The following UST variants were observed in gnomAD, a reference collection of about 807,000 sequenced individuals.
The protein encoded by UST is uronyl 2-sulfotransferase, also known as chondroitin sulfate 2-O-sulfotransferase.
Under a neutral mutation model 45.6 loss-of-function variants are expected in UST, and 21 were observed. That is an observed-to-expected ratio of 0.46 (90% confidence interval 0.33 to 0.66). UST has a LOEUF of 0.66. Among genes scored for constraint, UST ranks in the 30% least tolerant of loss-of-function variants. The pLI is 0.02. For synonymous variants in UST, 215 were observed against 200.6 expected, an observed-to-expected ratio of 1.07 and a Z score of -0.61; for missense variants, 463 against 512.4, an observed-to-expected ratio of 0.90 and a Z score of 0.93.
chr6:148,959,416 G>A (rs1033726059), intron 4 of UST, among the ~76,000 whole-genome samples: 2 of 152,236 alleles, frequency 1.3e-5, no homozygotes, highest in African/African-American at 4.8e-5. Flanking sequence ...GGTATTAGCA[G>A]TTAACACCGT....
rs61742164 is a variant in UST at position 149,074,008 on chromosome 6, C to T, written c.1113C>T (p.Pro371=). ...KFGLKSHVSK[P]PLRPHFFIPT... ...GACTTAAGTCTCACGTCAGCAAGCC[C>T]CCCCTGAGGCCACACTTCTTTATCC... The change falls in exon 8 of 8, where the codon CCC becomes CCT. Residue 371 remains proline (P), a synonymous_variant. Coordinates refer to ENST00000367463, the MANE Select transcript of UST (RefSeq NM_005715.3). The T allele has an allele frequency of 5.8e-3, 9,370 of 1,614,158 alleles. 468 individuals carry two copies. In the African/African-American group the frequency reaches 0.11, roughly 19 times the overall value.
At chr6:148,856,006 T>C (rs1440538337) in intron 1 of UST, among the ~76,000 whole-genome samples, 3 of 148,242 alleles carry the variant, frequency 2.0e-5, no homozygotes, top group Non-Finnish European at 4.5e-5. Context: ...CTGAAAAATA[T>C]GGGGTTTTGT....
intron 1 of UST, among the ~76,000 whole-genome samples, chr6:148,850,563 C>G (rs1398994879): frequency 2.0e-5 from 3 of 152,192 alleles, no homozygotes; most frequent in African/African-American, 7.2e-5. Flanking sequence ...ATAGTGGCCT[C>G]ATTATGATTC....
chr6:149,038,151 A>G (rs1453189920), intron 7 of UST, among the ~76,000 whole-genome samples: 1 of 152,064 alleles, frequency 6.6e-6, no homozygotes, highest in Admixed American at 6.6e-5. Context: ...AAAGTACCTT[A>G]GACTTACATT....
At chr6:149,037,110 C>A (rs765125838) in intron 7 of UST, among the ~76,000 whole-genome samples, 2 of 151,938 alleles carry the variant, frequency 1.3e-5, no homozygotes, top group African/African-American at 4.8e-5. Flanking sequence ...GAGTGAAGGC[C>A]TCGGGGGGTG....
chr6:148,937,811 G>A (rs902652471), intron 2 of UST, among the ~76,000 whole-genome samples: 40 of 152,134 alleles, frequency 2.6e-4, no homozygotes, highest in Non-Finnish European at 4.7e-4. Context: ...TGGACAGTTT[G>A]TTTCTATGGA....
In UST at chr6:148,792,376, C is replaced by G. The variant is rs1032030207; in HGVS notation, c.247+44699C>G. Among the ~76,000 whole-genome samples the G allele has an allele frequency of 2.0e-5, 3 of 152,330 alleles. No homozygotes were observed. The Middle Eastern group carries it at 0.01, about 518-fold the overall frequency. On this transcript the variant is annotated intron_variant, in intron 1 of 7. Coordinates refer to ENST00000367463, the MANE Select transcript of UST (RefSeq NM_005715.3). ...CAATGAGAGCTCACAGTCTTGCTCT[C>G]CTGCTAATACCAAGCCCCTCAGTGC... is the stretch of plus-strand genomic sequence containing the variant.
chr6:149,068,554 G>A (rs538073529), intron 7 of UST, among the ~76,000 whole-genome samples: 3 of 152,286 alleles, frequency 2.0e-5, no homozygotes, highest in South Asian at 2.1e-4. Flanking sequence ...TTAACTAATC[G>A]TGCAAATATG....
intron 5 of UST, among the ~76,000 whole-genome samples, chr6:148,996,569 TTC>T (rs1415171501): frequency 2.6e-5 from 4 of 152,218 alleles, no homozygotes; most frequent in African/African-American, 9.7e-5. Context: ...TACAGACTCT[TTC>T]TCTTGTGTGT....
intron 1 of UST, among the ~76,000 whole-genome samples, chr6:148,882,635 G>A (rs761473091): frequency 1.4e-4 from 22 of 152,064 alleles, no homozygotes; most frequent in Middle Eastern, 3.4e-3. Flanking sequence ...AGAAAATGAC[G>A]AATTATATTA....
At chr6:149,062,829 TACTGGG>T in intron 7 of UST, among the ~76,000 whole-genome samples, 1 of 152,244 alleles carries the variant, frequency 6.6e-6, no homozygotes, top group East Asian at 1.9e-4. Flanking sequence ...GTAAAATGGG[TACTGGG>T]AAGATTGAGC....
At chr6:149,017,106 A>G (rs140211682) in intron 5 of UST, among the ~76,000 whole-genome samples, 1,589 of 152,354 alleles carry the variant, frequency 0.01, 40 homozygotes, top group African/African-American at 0.037. Context: ...AGCCGGGCAC[A>G]GTGGCTCACG....
intron 5 of UST, among the ~76,000 whole-genome samples, chr6:149,002,018 C>CT (rs1401316671): frequency 2.6e-5 from 4 of 152,110 alleles, no homozygotes; most frequent in Non-Finnish European, 2.9e-5. Context: ...TTCTCATCAT[C>CT]TATTTACAAA....
At chr6:148,903,726 A>G (rs1053595637) in intron 2 of UST, among the ~76,000 whole-genome samples, 28 of 152,168 alleles carry the variant, frequency 1.8e-4, no homozygotes, top group African/African-American at 6.5e-4. Context: ...AGGTGACTCT[A>G]ATATGCAGGT....
At chr6:148,970,886 T>C (rs1021823388) in intron 5 of UST, among the ~76,000 whole-genome samples, 1 of 152,224 alleles carries the variant, frequency 6.6e-6, no homozygotes. Flanking sequence ...TGTCATTAGA[T>C]TGGGCTCACC....
At chr6:148,893,933 G>A (rs905225380) in intron 2 of UST, among the ~76,000 whole-genome samples, 2 of 152,178 alleles carry the variant, frequency 1.3e-5, no homozygotes, top group East Asian at 1.9e-4. Flanking sequence ...TGGGAGGATC[G>A]CTTGAGCCCA....
chr6:148,809,363 T>A (rs566439174), intron 1 of UST, among the ~76,000 whole-genome samples: 2 of 152,158 alleles, frequency 1.3e-5, no homozygotes, highest in Non-Finnish European at 2.9e-5. Context: ...CTGCCACCTC[T>A]TTCTCCCATA....
At chr6:148,969,954 A>G (rs1780881243) in intron 5 of UST, among the ~76,000 whole-genome samples, 1 of 152,236 alleles carries the variant, frequency 6.6e-6, no homozygotes, top group South Asian at 2.1e-4. Context: ...AAAGTCATAT[A>G]CACGCGCACT....
chr6:148,864,295 C>A (rs1260905222), intron 1 of UST, among the ~76,000 whole-genome samples: 1 of 152,252 alleles, frequency 6.6e-6, no homozygotes, highest in Non-Finnish European at 1.5e-5. Context: ...GCGTGGGACC[C>A]TCCGAGCCAG....
Sources: gnomAD v4.1 joint callset for allele counts (sites outside exome capture counted in the v4.1 genomes callset) on GRCh38, gnomAD v4.1.1 for gene constraint, MANE v1.5 for transcripts, NCBI Gene and HGNC (gene_info 2026-07-23, HGNC 2026-07-21) for gene names.